The following PIK3C2G variants were observed in gnomAD, a reference collection of about 807,000 sequenced individuals.
PIK3C2G encodes the protein phosphatidylinositol-4-phosphate 3-kinase catalytic subunit type 2 gamma.
A neutral mutation model predicts 181.1 loss-of-function variants in PIK3C2G; 168 were observed. The observed-to-expected ratio is 0.93, with a 90% CI of 0.82 to 1.05. The LOEUF (loss-of-function observed/expected upper bound fraction) is 1.05. Ranked by LOEUF, PIK3C2G falls within the 50% of genes least tolerant of loss-of-function variation. PIK3C2G has a pLI of 0.00. For synonymous variants in PIK3C2G, 573 were observed against 592.2 expected (o/e 0.97, Z 0.47); for missense variants, 1,869 against 1,732.8 (o/e 1.08, Z -1.40).
At chr12:18,373,884 A>G (rs1942251177) in intron 13 of PIK3C2G, among the ~76,000 whole-genome samples, 4 of 152,094 alleles carry the variant, frequency 2.6e-5, no homozygotes, top group Non-Finnish European at 4.4e-5. Flanking sequence ...TCCAAAGGTA[A>G]ATTTGGCCCA....
chr12:18,672,356 TTTAA>T, the PIK3C2G span, among the ~76,000 whole-genome samples: 1 of 152,152 alleles, frequency 6.6e-6, no homozygotes, highest in Non-Finnish European at 1.5e-5. Flanking sequence ...GGGAAAGGTT[TTTAA>T]TTGTTTACTT....
intron 18 of PIK3C2G, among the ~76,000 whole-genome samples, chr12:18,425,999 T>C (rs1945787726): frequency 6.6e-6 from 1 of 152,222 alleles, no homozygotes; most frequent in African/African-American, 2.4e-5. Context: ...ATTTAAAGTC[T>C]TTGTCATCAA....
intron 1 of PIK3C2G, among the ~76,000 whole-genome samples, chr12:18,271,475 A>G (rs1948742482): frequency 6.6e-6 from 1 of 152,162 alleles, no homozygotes; most frequent in South Asian, 2.1e-4. Flanking sequence ...GTTGTTATAC[A>G]TTCAGGGCAA....
intron 16 of PIK3C2G, among the ~76,000 whole-genome samples, chr12:18,410,614 C>T (rs1592189704): frequency 6.6e-6 from 1 of 151,744 alleles, no homozygotes; most frequent in East Asian, 1.9e-4. Flanking sequence ...AAAGTCTAAG[C>T]TAGAGACTCC....
intron 5 of PIK3C2G, among the ~76,000 whole-genome samples, chr12:18,303,507 G>A (rs183937005): frequency 1.7e-4 from 26 of 151,928 alleles, no homozygotes; most frequent in African/African-American, 5.6e-4. Context: ...ATCTAATTTC[G>A]AATTTTTAGT....
chr12:18,701,349 C>T, the PIK3C2G span: 1 of 1,392,132 alleles, frequency 7.2e-7, no homozygotes, highest in Non-Finnish European at 9.6e-7. Context: ...TCATCTTCCA[C>T]CATCGATGTT....
At chr12:18,306,962 T>A (rs947655435) in intron 5 of PIK3C2G, among the ~76,000 whole-genome samples, 1 of 151,522 alleles carries the variant, frequency 6.6e-6, no homozygotes, top group Non-Finnish European at 1.5e-5. Flanking sequence ...ATTCAAATTA[T>A]ATAAAACAAG....
the PIK3C2G span, among the ~76,000 whole-genome samples, chr12:18,677,901 G>A: frequency 1.3e-5 from 2 of 151,998 alleles, no homozygotes; most frequent in Admixed American, 6.6e-5. Context: ...GTGAGCATGT[G>A]TATCCATATT....
At chr12:18,702,770 T>C in the PIK3C2G span, among the ~76,000 whole-genome samples, 107 of 151,794 alleles carry the variant, frequency 7.0e-4, no homozygotes, top group African/African-American at 2.4e-3. Context: ...AACAAGTCTC[T>C]AGGCAATTCT....
chr12:18,540,190 G>A (rs534262858), intron 25 of PIK3C2G, among the ~76,000 whole-genome samples: 2 of 151,772 alleles, frequency 1.3e-5, no homozygotes, highest in African/African-American at 2.4e-5. Flanking sequence ...GAGACCCAGA[G>A]TCTTAAAATT....
In PIK3C2G at chr12:18,273,453, C is replaced by T. The variant is rs181009843; in HGVS notation, c.-78-8551C>T. Reference sequence around the variant, plus strand: ...TTGGCTTAGGATTGACTTGGCAATGCGGGCTCTTTTTTGGTTCCATATGAA... The same window carrying T: ...TTGGCTTAGGATTGACTTGGCAATGTGGGCTCTTTTTTGGTTCCATATGAA... On this transcript the variant is annotated intron_variant, in intron 1 of 32. Coordinates refer to ENST00000538779, the MANE Select transcript of PIK3C2G (RefSeq NM_001288772.2). Among the ~76,000 whole-genome samples the T allele has an allele frequency of 1.1e-3, 163 of 152,130 alleles. 5 individuals carry two copies. The highest frequency in any genetic ancestry group is 4.8e-3 in the Admixed American group (73 of 15,242).
the PIK3C2G span, among the ~76,000 whole-genome samples, chr12:18,721,512 C>T: frequency 4.6e-5 from 7 of 151,968 alleles, no homozygotes; most frequent in African/African-American, 1.4e-4. Flanking sequence ...GTGTCACTGC[C>T]TCCATCCCAA....
intron 24 of PIK3C2G, among the ~76,000 whole-genome samples, chr12:18,514,585 T>C (rs1402374022): frequency 1.3e-5 from 2 of 151,964 alleles, no homozygotes; most frequent in African/African-American, 2.4e-5. Flanking sequence ...TCTTGTGTAT[T>C]GATTTTGTAT....
chr12:18,293,834 CA>C (rs1299169334), intron 4 of PIK3C2G, 66 bp from the exon 5 acceptor site: 6 of 748,660 alleles, frequency 8.0e-6, no homozygotes, highest in Non-Finnish European at 1.2e-5. Context: ...ATTTTGTGCT[CA>C]AAAACTTTTC....
chr12:18,498,267 T>G (rs1941172246), intron 22 of PIK3C2G, among the ~76,000 whole-genome samples: 1 of 152,338 alleles, frequency 6.6e-6, no homozygotes, highest in Non-Finnish European at 1.5e-5. Flanking sequence ...TTTCTTTTCC[T>G]TTATAAAAGC....
At chr12:18,506,091 A>G (rs1941813699) in intron 24 of PIK3C2G, among the ~76,000 whole-genome samples, 1 of 152,212 alleles carries the variant, frequency 6.6e-6, no homozygotes, top group Non-Finnish European at 1.5e-5. Flanking sequence ...TATTTTAAAG[A>G]GGCATCTCGG....
chr12:18,496,599 G>A (rs1047355510), intron 21 of PIK3C2G, among the ~76,000 whole-genome samples: 17 of 151,950 alleles, frequency 1.1e-4, no homozygotes, highest in African/African-American at 4.1e-4. Context: ...AGTAAATATG[G>A]GTCATTTCAG....
the PIK3C2G span, among the ~76,000 whole-genome samples, chr12:18,722,419 A>G: frequency 1.3e-5 from 2 of 152,080 alleles, no homozygotes; most frequent in Non-Finnish European, 2.9e-5. Flanking sequence ...GATCCAATGC[A>G]GAAATAAGTT....
intron 6 of PIK3C2G, among the ~76,000 whole-genome samples, chr12:18,318,670 C>T (rs1290219846): frequency 1.3e-5 from 2 of 151,640 alleles, no homozygotes; most frequent in African/African-American, 2.4e-5. Context: ...GCAGTAGATA[C>T]TTTAGAGCTT....
Sources: gnomAD v4.1 joint callset for allele counts (sites outside exome capture counted in the v4.1 genomes callset) on GRCh38, gnomAD v4.1.1 for gene constraint, MANE v1.5 for transcripts, NCBI Gene and HGNC (gene_info 2026-07-23, HGNC 2026-07-21) for gene names.